PPP1CC: variants seen among roughly 807,000 people sequenced by gnomAD.
The protein encoded by PPP1CC is serine/threonine-protein phosphatase PP1-gamma catalytic subunit.
In PPP1CC, 16 loss-of-function variants were observed where a neutral mutation model predicts 38.4. The observed-to-expected ratio is 0.42, with a 90% CI of 0.28 to 0.63. The LOEUF is 0.63. PPP1CC is among the 30% of genes least tolerant of loss of function. The pLI is 0.25. For synonymous variants in PPP1CC, 158 were observed against 136.0 expected (o/e 1.16, Z -1.13); for missense variants, 170 against 391.3 (o/e 0.43, Z 4.77).
At chr12:110,715,714 G>C (rs2069681908), downstream of PPP1CC, among the ~76,000 whole-genome samples, 1 of 152,002 alleles carries the variant, frequency 6.6e-6, no homozygotes, top group African/African-American at 2.4e-5. Flanking sequence ...TGCCTCCTGG[G>C]TTCAAGCGAT....
chr12:110,731,671 A>T, intron 2 of PPP1CC, 99 bp downstream of exon 2: 1 of 1,341,024 alleles, frequency 7.5e-7, no homozygotes, highest in Non-Finnish European at 1.0e-6. Flanking sequence ...ATTCGCAAAC[A>T]GGATAATCAT....
At chr12:110,725,921 G>A (rs1163680432) in intron 3 of PPP1CC, 1 of 152,400 alleles carries the variant, frequency 6.6e-6, no homozygotes, top group East Asian at 1.9e-4. Flanking sequence ...AATTAGCTGG[G>A]CGTGGTGGCG....
intron 3 of PPP1CC, 47 bp from the exon 4 acceptor site, chr12:110,724,811 TC>T: frequency 8.8e-7 from 1 of 1,136,432 alleles, no homozygotes; most frequent in Non-Finnish European, 1.3e-6. Context: ...GTATTACTGT[TC>T]CGTAGGCTCA....
intron 3 of PPP1CC, among the ~76,000 whole-genome samples, chr12:110,728,430 T>C (rs1321207152): frequency 1.4e-5 from 2 of 139,630 alleles, no homozygotes; most frequent in Non-Finnish European, 3.2e-5. Flanking sequence ...AACAAAAAAC[T>C]CAAGAGTAAC....
intron 1 of PPP1CC, among the ~76,000 whole-genome samples, chr12:110,739,939 C>CT (rs2069996224): frequency 6.6e-6 from 1 of 152,122 alleles, no homozygotes; most frequent in Non-Finnish European, 1.5e-5. Flanking sequence ...AGTTAACAAC[C>CT]TTAAGTTTTA....
At chr12:110,714,729 C>T (rs2069675009), downstream of PPP1CC, among the ~76,000 whole-genome samples, 2 of 143,264 alleles carry the variant, frequency 1.4e-5, no homozygotes, top group African/African-American at 5.3e-5. Flanking sequence ...TCACTTGAGC[C>T]CGGGAGGTGG....
chr12:110,711,222 G>C, the PPP1CC span, among the ~76,000 whole-genome samples: 1 of 151,904 alleles, frequency 6.6e-6, no homozygotes, highest in Non-Finnish European at 1.5e-5. Context: ...GAAGGAAACT[G>C]TTTACAGAAA....
rs541247143 is a variant in PPP1CC, at chr12:110,727,762, G to A, written c.418+2767C>T. On this transcript the variant is annotated intron_variant, in intron 3 of 6. Transcript: ENST00000335007. The stretch of plus-strand genomic sequence containing the variant: ...TAAGTATTTTATATATATATTAAAT[G>A]TCTGCAAGCCTTCAACCAAAAGCCA... Among the ~76,000 whole-genome samples, 12 of 152,132 alleles carry A rather than the reference G, an allele frequency of 7.9e-5. 1 individual carries two copies. The highest frequency in any genetic ancestry group is 2.4e-4 in the African/African-American group (10 of 41,496).
At chr12:110,736,073 A>AAACAAACT (rs2069941156) in intron 1 of PPP1CC, among the ~76,000 whole-genome samples, 2 of 151,552 alleles carry the variant, frequency 1.3e-5, no homozygotes, top group Non-Finnish European at 2.9e-5. Flanking sequence ...CAAAACAAAC[A>AAACAAACT]AACAAACAAA....
downstream of PPP1CC, among the ~76,000 whole-genome samples, chr12:110,715,020 G>A (rs1431430126): frequency 1.3e-5 from 2 of 151,706 alleles, no homozygotes; most frequent in Admixed American, 1.3e-4. Flanking sequence ...CCAGGGAAAG[G>A]TCAAGCCAGT....
chr12:110,728,324 A>G (rs941478880), intron 3 of PPP1CC, among the ~76,000 whole-genome samples: 1 of 149,098 alleles, frequency 6.7e-6, no homozygotes, highest in Non-Finnish European at 1.5e-5. Flanking sequence ...GCGTGAACCC[A>G]GGAGGCGGAG....
the PPP1CC span, among the ~76,000 whole-genome samples, chr12:110,709,839 G>A: frequency 1.1e-4 from 16 of 151,572 alleles, no homozygotes; most frequent in South Asian, 2.1e-4. Flanking sequence ...GAGCTACTGC[G>A]CCTGGTCAAA....
At chr12:110,732,901 C>G (rs533811118) in intron 1 of PPP1CC, 34 of 152,064 alleles carry the variant, frequency 2.2e-4, no homozygotes, top group African/African-American at 8.2e-4. Flanking sequence ...TAAAGTAGCA[C>G]GGAACTGCTA....
At chr12:110,735,384 C>T (rs1213256977) in intron 1 of PPP1CC, among the ~76,000 whole-genome samples, 2 of 152,182 alleles carry the variant, frequency 1.3e-5, no homozygotes, top group Admixed American at 6.5e-5. Flanking sequence ...TTTACAGTGA[C>T]TTAGTCCAAG....
rs1048382984 is a variant in PPP1CC at position 110,719,740 on chromosome 12, T to C, written c.*1336A>G. The C allele has an allele frequency of 1.3e-4, 23 of 181,146 alleles. No individual in the cohort carries two copies. The highest frequency in any genetic ancestry group is 1.0e-4 in the Non-Finnish European group (9 of 85,938). The allele number at this position is 181,146 out of a possible 1,614,324, so 11.2% of individuals were successfully genotyped here. A position where few individuals can be genotyped will look rare whatever the true frequency, so the allele number is the denominator to read the frequency against. Reference sequence around the variant, plus strand: ...CTCCAGGTTACAACTCAAAGAGTATTAGTATCTGTATTATAATCCATCTTT... The same window carrying C: ...CTCCAGGTTACAACTCAAAGAGTATCAGTATCTGTATTATAATCCATCTTT... On this transcript the variant is annotated 3_prime_UTR_variant, in exon 7 of 7. Transcript: ENST00000335007.
intron 3 of PPP1CC, among the ~76,000 whole-genome samples, chr12:110,728,944 T>C (rs2069840440): frequency 1.3e-5 from 2 of 152,150 alleles, no homozygotes; most frequent in Admixed American, 6.5e-5. Flanking sequence ...TGAATTGAGA[T>C]GGAAAAACAC....
In PPP1CC at chr12:110,742,673, A is replaced by T; in HGVS notation, c.35T>A (p.Ile12Asn). The T allele has an allele frequency of 6.8e-7, 1 of 1,476,998 alleles. No individual in the cohort carries two copies. Among genetic ancestry groups the T allele is most frequent in the Non-Finnish European group, 9.0e-7 (1 of 1,106,950 alleles). The allele number at this position is 1,476,998 out of a possible 1,614,324, so 91.5% of individuals were successfully genotyped here. A position where few individuals can be genotyped will look rare whatever the true frequency, so the allele number is the denominator to read the frequency against. The change falls in exon 1 of 7, where the codon ATT becomes AAT. Residue 12 changes from isoleucine to asparagine, a missense_variant. Ile to Asn is a moderately radical substitution (Grantham distance 149). Transcript: ENST00000335007. ...ADLDKLNIDS[I>N]IQRLLEVRGS... ...CTTACCTTCCAGCAGCCGTTGGATAATGCTGTCGATGTTGAGTTTATCTAA... is the reference window on the plus strand; with the variant it reads ...CTTACCTTCCAGCAGCCGTTGGATATTGCTGTCGATGTTGAGTTTATCTAA...
chr12:110,708,806 G>A, the PPP1CC span, among the ~76,000 whole-genome samples: 9 of 144,864 alleles, frequency 6.2e-5, no homozygotes, highest in East Asian at 8.0e-4. Flanking sequence ...AGCTGAGATC[G>A]CACCACTGCA....
At chr12:110,727,991 C>T (rs1323196186) in intron 3 of PPP1CC, among the ~76,000 whole-genome samples, 1 of 152,160 alleles carries the variant, frequency 6.6e-6, no homozygotes, top group East Asian at 1.9e-4. Flanking sequence ...CTGATGCAGC[C>T]AGTATCATTA....
Sources: allele counts gnomAD v4.1 joint callset (sites outside exome capture counted in the v4.1 genomes callset), GRCh38; gene constraint gnomAD v4.1.1; transcripts MANE v1.5; gene names NCBI Gene and HGNC (gene_info 2026-07-23, HGNC 2026-07-21).